Variants in PARM1 observed in about 807,000 individuals in gnomAD.
PARM1 encodes prostate androgen-regulated mucin-like protein 1.
A neutral mutation model predicts 24.6 loss-of-function variants in PARM1; 14 were observed. That is an observed-to-expected ratio of 0.57 (90% CI 0.38 to 0.89). The LOEUF (loss-of-function observed/expected upper bound fraction) is 0.89. Ranked by LOEUF, PARM1 falls within the 40% of genes least tolerant of loss-of-function variation. The pLI, the probability that PARM1 is intolerant of heterozygous loss-of-function variation, is 0.00. For synonymous variants in PARM1, 179 were observed against 156.6 expected (o/e 1.14, Z -1.07); for missense variants, 362 against 380.4 (o/e 0.95, Z 0.40).
At chr4:74,958,025 G>C (rs1008978482) in intron 1 of PARM1, among the ~76,000 whole-genome samples, 1 of 152,170 alleles carries the variant, frequency 6.6e-6, no homozygotes, top group Non-Finnish European at 1.5e-5. Flanking sequence ...TACTCATAGA[G>C]AGGCTTGGGA....
At chr4:74,961,044 G>A (rs1315719294) in intron 1 of PARM1, among the ~76,000 whole-genome samples, 4 of 151,650 alleles carry the variant, frequency 2.6e-5, no homozygotes, top group Non-Finnish European at 4.4e-5. Context: ...GAAAAGTGAT[G>A]TGGAGAAAGT....
intron 1 of PARM1, among the ~76,000 whole-genome samples, chr4:74,995,310 T>C (rs968939087): frequency 2.0e-5 from 3 of 152,116 alleles, no homozygotes; most frequent in South Asian, 4.2e-4. Flanking sequence ...GAGGCCATCA[T>C]GGGGTAGATT....
intron 1 of PARM1, among the ~76,000 whole-genome samples, chr4:74,935,053 C>T (rs1721151011): frequency 7.4e-6 from 1 of 135,410 alleles, no homozygotes; most frequent in Non-Finnish European, 1.5e-5. Context: ...TCCGCTATTC[C>T]GGGAGGAATA....
intron 2 of PARM1, among the ~76,000 whole-genome samples, chr4:75,026,970 T>A (rs900260899): frequency 6.6e-6 from 1 of 152,178 alleles, no homozygotes; most frequent in East Asian, 1.9e-4. Context: ...CCCATAAATA[T>A]TGGGTGTCTG....
intron 2 of PARM1, among the ~76,000 whole-genome samples, chr4:75,015,950 T>C (rs931552751): frequency 6.6e-6 from 1 of 152,240 alleles, no homozygotes; most frequent in East Asian, 1.9e-4. Flanking sequence ...CTGCCTTTAG[T>C]AGTGGCAGTA....
intron 2 of PARM1, among the ~76,000 whole-genome samples, chr4:75,028,739 A>G (rs1723226207): frequency 6.6e-6 from 1 of 151,744 alleles, no homozygotes; most frequent in African/African-American, 2.4e-5. Context: ...CACCTCCTCC[A>G]CCCCCAGCTC....
intron 1 of PARM1, among the ~76,000 whole-genome samples, chr4:74,982,239 A>AG (rs1363444380): frequency 1.9e-4 from 29 of 152,314 alleles, no homozygotes; most frequent in African/African-American, 6.5e-4. Context: ...CTGGGAGCCG[A>AG]ACAATGTGAA....
intron 3 of PARM1, among the ~76,000 whole-genome samples, chr4:75,039,543 T>TA (rs1419045713): frequency 2.6e-5 from 4 of 151,684 alleles, no homozygotes; most frequent in Admixed American, 2.0e-4. Flanking sequence ...TAAAATAAAA[T>TA]AAATAAACAG....
intron 1 of PARM1, among the ~76,000 whole-genome samples, chr4:74,974,552 A>G (rs112111719): frequency 7.0e-4 from 107 of 152,286 alleles, no homozygotes; most frequent in African/African-American, 2.3e-3. Flanking sequence ...TCTATTCTCT[A>G]TTATGGTTTG....
chr4:75,041,845 C>T (rs1723491430), intron 3 of PARM1, among the ~76,000 whole-genome samples: 1 of 152,108 alleles, frequency 6.6e-6, no homozygotes, highest in Non-Finnish European at 1.5e-5. Context: ...CTTCATTTTT[C>T]CCCCTCGGGT....
chr4:75,025,839 G>A (rs1043196856), intron 2 of PARM1, among the ~76,000 whole-genome samples: 3 of 152,178 alleles, frequency 2.0e-5, no homozygotes, highest in Non-Finnish European at 4.4e-5. Flanking sequence ...GACATGAAGT[G>A]GAAACATATA....
rs770930739 is a variant in PARM1, at chr4:75,005,785, C to T, written c.44-6640C>T. Reference sequence around the variant, plus strand: ...AACAATCCGTCAGCTATTCTTGCAGCAAAAAAGCTTGAACCTGACCAGACT... The same window carrying T: ...AACAATCCGTCAGCTATTCTTGCAGTAAAAAAGCTTGAACCTGACCAGACT... On this transcript the variant is annotated intron_variant, in intron 1 of 3. Transcript: ENST00000307428. Among the ~76,000 whole-genome samples the T allele has an allele frequency of 2.0e-5, 3 of 152,282 alleles. No individual in the cohort carries two copies. In the East Asian group the frequency reaches 5.8e-4, roughly 29 times the overall value.
At chr4:74,988,542 C>T (rs1266150721) in intron 1 of PARM1, among the ~76,000 whole-genome samples, 2 of 152,162 alleles carry the variant, frequency 1.3e-5, no homozygotes, top group African/African-American at 4.8e-5. Flanking sequence ...CATTGGTGCT[C>T]AGTTCTTGTT....
At chr4:75,009,273 T>C (rs1490096775) in intron 1 of PARM1, among the ~76,000 whole-genome samples, 2 of 152,210 alleles carry the variant, frequency 1.3e-5, no homozygotes, top group Non-Finnish European at 2.9e-5. Context: ...AATGTTAAAT[T>C]CAGAATAAAC....
intron 3 of PARM1, among the ~76,000 whole-genome samples, chr4:75,041,031 T>C (rs1183485858): frequency 1.3e-5 from 2 of 152,168 alleles, no homozygotes; most frequent in Non-Finnish European, 2.9e-5. Flanking sequence ...GTTTTCTCCA[T>C]GGACTTAGTA....
At chr4:75,016,941 G>A (rs1722999315) in intron 2 of PARM1, among the ~76,000 whole-genome samples, 1 of 152,086 alleles carries the variant, frequency 6.6e-6, no homozygotes, top group East Asian at 1.9e-4. Context: ...GTGGCTCATA[G>A]GCATCTCACA....
At position 75,046,236 on chromosome 4, in the gene PARM1, G is replaced by A. The variant is rs367804546; in HGVS notation, c.922G>A (p.Asp308Asn). 10 of 1,605,142 alleles carry A rather than the reference G, an allele frequency of 6.2e-6. No individual in the cohort carries two copies. Among genetic ancestry groups the A allele is most frequent in the Admixed American group, 3.3e-5 (2 of 59,978 alleles). Residue 308 changes from aspartate to asparagine, a missense_variant, in exon 4 of 4, where the codon GAT becomes AAT. Physicochemically the swap from Asp to Asn is conservative, Grantham distance 23 (BLOSUM62 1). Coordinates refer to ENST00000307428, the MANE Select transcript of PARM1 (RefSeq NM_015393.4). ...GGGAAACTACAACAACCCTCTGTAC[G>A]ATGACTCCTAACAATGGAATATGGC... ...SWGNYNNPLY[D>N]DS
intron 2 of PARM1, among the ~76,000 whole-genome samples, chr4:75,015,284 C>A (rs1180671665): frequency 6.6e-6 from 1 of 152,190 alleles, no homozygotes; most frequent in African/African-American, 2.4e-5. Context: ...GTCTTGATTT[C>A]CTCAACTCTA....
chr4:74,966,727 A>C (rs1249835830), intron 1 of PARM1: 1 of 152,252 alleles, frequency 6.6e-6, no homozygotes. Context: ...AGTGGTGACT[A>C]TACTACCCAC....
Sources: gnomAD v4.1 joint callset for allele counts (sites outside exome capture counted in the v4.1 genomes callset) on GRCh38, gnomAD v4.1.1 for gene constraint, MANE v1.5 for transcripts, NCBI Gene and HGNC (gene_info 2026-07-23, HGNC 2026-07-21) for gene names.